The following ARHGEF7 variants were observed in gnomAD, a reference collection of about 807,000 sequenced individuals.
ARHGEF7 encodes Rho guanine nucleotide exchange factor 7.
In ARHGEF7, 33 loss-of-function variants were observed where a neutral mutation model predicts 109.8. The observed-to-expected ratio is 0.30, with a 90% CI of 0.23 to 0.40. The LOEUF (loss-of-function observed/expected upper bound fraction) is 0.40. ARHGEF7 is among the 10% of genes least tolerant of loss of function. The pLI, the probability that ARHGEF7 is intolerant of heterozygous loss-of-function variation, is 1.00. For missense variants in ARHGEF7, 938 were observed against 1,098.5 expected, an observed-to-expected ratio of 0.85 and a Z score of 2.07; for synonymous variants, 458 against 424.6, an observed-to-expected ratio of 1.08 and a Z score of -0.97.
chr13:111,293,459 C>T (rs2153628811), intron 19 of ARHGEF7: 2 of 984,520 alleles, frequency 2.0e-6, no homozygotes, highest in Non-Finnish European at 1.2e-6. Flanking sequence ...AAAAAACTCA[C>T]CCGTTTTCCT....
At chr13:111,217,561 A>C (rs2083289599) in intron 4 of ARHGEF7, 118 bp from the exon 5 acceptor site, 1 of 976,714 alleles carries the variant, frequency 1.0e-6, no homozygotes, top group South Asian at 1.6e-5. Context: ...AATTTCTCTA[A>C]ATGTATTTCT....
chr13:111,215,309 C>T (rs1289197090), intron 4 of ARHGEF7, among the ~76,000 whole-genome samples: 1 of 152,140 alleles, frequency 6.6e-6, no homozygotes, highest in Non-Finnish European at 1.5e-5. Flanking sequence ...TTGTATTTGG[C>T]TGTCCTGCTC....
Position 111,303,314 on chromosome 13 carries a change from ACT to A in ARHGEF7, c.*204_*205del, listed in dbSNP as rs1024684672. On this transcript the variant is annotated 3_prime_UTR_variant, in exon 22 of 22. Transcript: ENST00000646102. ...TGATGAATCCAGACAGGAGGGATTG[ACT>A]CTGAGGACCTGAGCTACATCAATCC... 2 of 458,536 alleles carry A rather than the reference ACT, an allele frequency of 4.4e-6. No individual in the cohort carries two copies. Among genetic ancestry groups the A allele is most frequent in the East Asian group, 3.4e-5 (1 of 29,560 alleles). 28.4% of individuals were successfully genotyped at this position (458,536 alleles called of 1,614,324 possible).
rs1458857679 is a variant in ARHGEF7, at chr13:111,267,618, C to G, written c.1021C>G (p.Leu341Val). 2 of 1,614,044 alleles carry G rather than the reference C, an allele frequency of 1.2e-6. No homozygotes were observed. The highest frequency in any genetic ancestry group is 2.7e-5 in the African/African-American group (2 of 74,934). Residue 341 changes from leucine (L) to valine (V), a missense_variant, in exon 9 of 22, where the codon CTC becomes GTC. Leu to Val is a conservative substitution (Grantham distance 32). This residue lies in a region of ARHGEF7 where 585 missense variants were observed against 723.6 expected (regional missense o/e 0.81). Coordinates refer to ENST00000646102, the MANE Select transcript of ARHGEF7 (RefSeq NM_001354046.2). ...GATGCCACAGATGAAAACCCTGTAC[C>G]TCACGTATTGTGCCAATCACCCTTC... The part of the protein sequence containing the change: ...NLMPQMKTLY[L>V]TYCANHPSAV...
intron 19 of ARHGEF7, chr13:111,293,574 C>CCTAGGTGGA: frequency 1.0e-6 from 1 of 985,346 alleles, no homozygotes; most frequent in Non-Finnish European, 1.2e-6. Flanking sequence ...CAAATCCACA[C>CCTAGGTGGA]CTAGTCATTG....
intron 17 of ARHGEF7, 108 bp downstream of exon 17, chr13:111,286,348 A>G (rs1053713964): frequency 5.6e-5 from 49 of 878,414 alleles, no homozygotes; most frequent in Non-Finnish European, 8.4e-5. Flanking sequence ...ACTCCAAACA[A>G]AAGTAAGGTC....
chr13:111,254,395 CGGGCT>C (rs1220624312), intron 8 of ARHGEF7, among the ~76,000 whole-genome samples: 40 of 150,206 alleles, frequency 2.7e-4, no homozygotes, highest in African/African-American at 9.3e-4. Flanking sequence ...GAAGAGGATT[CGGGCT>C]AAGGCGCTGA....
intron 15 of ARHGEF7, 45 bp downstream of exon 15, chr13:111,280,722 A>G (rs1334767348): frequency 6.9e-7 from 1 of 1,450,512 alleles, no homozygotes; most frequent in Non-Finnish European, 9.1e-7. Context: ...CAGGCGTGGC[A>G]TCCCGTGGCT....
intron 1 of ARHGEF7, among the ~76,000 whole-genome samples, chr13:111,139,586 G>A (rs1038457578): frequency 1.3e-5 from 2 of 149,766 alleles, no homozygotes; most frequent in Non-Finnish European, 3.0e-5. Flanking sequence ...GAGCACTGGC[G>A]GGTGCCTGTG....
At chr13:111,275,452 GGAT>G (rs2092421785) in intron 11 of ARHGEF7, 77 bp from the exon 12 acceptor site, 1 of 1,468,590 alleles carries the variant, frequency 6.8e-7, no homozygotes, top group East Asian at 2.3e-5. Context: ...ATTGTCTTAA[GGAT>G]GATACAAAGC....
intron 5 of ARHGEF7, among the ~76,000 whole-genome samples, chr13:111,218,168 CTT>C (rs869249587): frequency 6.2e-5 from 9 of 144,488 alleles, no homozygotes; most frequent in African/African-American, 1.0e-4. Context: ...AAGAATTGAT[CTT>C]TTTTTTTTTT....
intron 2 of ARHGEF7, among the ~76,000 whole-genome samples, chr13:111,176,027 T>A (rs1180557892): frequency 6.6e-6 from 1 of 152,136 alleles, no homozygotes; most frequent in South Asian, 2.1e-4. Context: ...GCCCCATGAT[T>A]CAATTACCTC....
chr13:111,215,729 TTAA>T (rs1442218025), intron 4 of ARHGEF7, among the ~76,000 whole-genome samples: 1 of 152,238 alleles, frequency 6.6e-6, no homozygotes, highest in African/African-American at 2.4e-5. Flanking sequence ...TTCAAACACA[TTAA>T]TTTTTCTCTT....
chr13:111,239,740 C>CA lies in ARHGEF7; in HGVS notation c.760-4131dup, dbSNP rs140667996. Among the ~76,000 whole-genome samples the CA allele has an allele frequency of 1.6e-4, 24 of 152,210 alleles. No individual in the cohort carries two copies. The East Asian group carries it at 4.6e-3, about 29-fold the overall frequency. ...GCGAGGTGCCTGCTGGCTTCTTTCACACCTGGCTCCCATTGTTTTTCATGG... is the reference window on the plus strand; with the variant it reads ...GCGAGGTGCCTGCTGGCTTCTTTCACAACCTGGCTCCCATTGTTTTTCATGG... On this transcript the variant is annotated intron_variant, in intron 6 of 21. Transcript: ENST00000646102. This position sits in a 1 kb window ranked among gnomAD's most constrained non-coding sequence, Gnocchi z 4.3.
In ARHGEF7 at chr13:111,228,872, G is replaced by A. The variant is rs761226016; in HGVS notation, c.671-4333G>A. On this transcript the variant is annotated intron_variant, in intron 5 of 21. Coordinates refer to ENST00000646102, the MANE Select transcript of ARHGEF7 (RefSeq NM_001354046.2). The surrounding 1 kb of genome is among the most constrained non-coding windows in gnomAD (Gnocchi z 4.6). ...GTCTGCTCTGGTGGTTGAAGCCAGCGGTGATGATTAACTCTGGACTTTGCT... is the reference window on the plus strand; with the variant it reads ...GTCTGCTCTGGTGGTTGAAGCCAGCAGTGATGATTAACTCTGGACTTTGCT... Among the ~76,000 whole-genome samples the A allele has an allele frequency of 1.5e-4, 23 of 152,182 alleles. No individual in the cohort carries two copies. The highest frequency in any genetic ancestry group is 2.1e-4 in the Non-Finnish European group (14 of 68,002).
At chr13:111,213,385 A>G (rs1216500655) in intron 4 of ARHGEF7, among the ~76,000 whole-genome samples, 1 of 152,152 alleles carries the variant, frequency 6.6e-6, no homozygotes, top group Admixed American at 6.5e-5. Context: ...AAACCAGTTC[A>G]TGTATTGTGT....
chr13:111,133,899 C>T (rs2074952142), intron 1 of ARHGEF7, among the ~76,000 whole-genome samples: 2 of 149,414 alleles, frequency 1.3e-5, no homozygotes, highest in African/African-American at 4.9e-5. Flanking sequence ...GTGTGCTGCA[C>T]CCATTAACTC....
At chr13:111,235,831 A>G (rs1352248157) in intron 6 of ARHGEF7, among the ~76,000 whole-genome samples, 3 of 152,262 alleles carry the variant, frequency 2.0e-5, no homozygotes, top group Non-Finnish European at 4.4e-5. Flanking sequence ...ACAGAAAACT[A>G]TAAGGTCTGG....
chr13:111,155,134 C>G (rs950956323), intron 2 of ARHGEF7, among the ~76,000 whole-genome samples: 3 of 152,128 alleles, frequency 2.0e-5, no homozygotes, highest in Non-Finnish European at 2.9e-5. Context: ...ATATAAAAGA[C>G]TTGAGCATCT....
Sources: gnomAD v4.1 joint callset for allele counts (sites outside exome capture counted in the v4.1 genomes callset) on GRCh38, gnomAD v4.1.1 for gene constraint, gnomAD v4.1.1 regional missense constraint, Gnocchi (gnomAD v3.1) non-coding constraint, MANE v1.5 for transcripts, NCBI Gene and HGNC (gene_info 2026-07-23, HGNC 2026-07-21) for gene names.